HDLBP: variants seen among roughly 807,000 people sequenced by gnomAD.
HDLBP encodes high density lipoprotein binding protein.
A neutral mutation model predicts 137.3 loss-of-function variants in HDLBP; 30 were observed. That is an observed-to-expected ratio of 0.22 (90% CI 0.16 to 0.30). The LOEUF (loss-of-function observed/expected upper bound fraction) is 0.30, where lower values mean the gene tolerates loss of function less well. HDLBP is among the 10% of genes least tolerant of loss of function. HDLBP has a pLI of 1.00. For missense variants in HDLBP, 1,119 were observed against 1,667.3 expected (o/e 0.67, Z 5.73); for synonymous variants, 606 against 596.0 (o/e 1.02, Z -0.24).
chr2:241,271,527 A>G (rs2074036064), intron 1 of HDLBP, among the ~76,000 whole-genome samples: 1 of 152,204 alleles, frequency 6.6e-6, no homozygotes, highest in Admixed American at 6.5e-5. Context: ...AAGGCTTCAC[A>G]TGAGGGGTTC....
In HDLBP at chr2:241,264,579, T is replaced by C. The variant is rs1559521759; in HGVS notation, c.103A>G (p.Ser35Gly). 3 of 1,613,716 alleles carry C rather than the reference T, an allele frequency of 1.9e-6. No individual in the cohort carries two copies. The highest frequency in any genetic ancestry group is 1.7e-4 in the Middle Eastern group (1 of 6,006). ...KVATLNSEEESDPPTYKDAFP... is the reference protein window; with the variant it reads ...KVATLNSEEEGDPPTYKDAFP... ...GCATCCTTGTAGGTTGGAGGGTCGC[T>C]CTCCTCTTCTGAATTTAGAGTGGCA... The change falls in exon 4 of 28, where the codon AGC becomes GGC. Residue 35 changes from serine to glycine, a missense_variant. Around this residue, in one of 4 missense-constraint regions of HDLBP, gnomAD observed 59 missense variants for 92.4 expected, o/e 0.64. Transcript: ENST00000310931.
chr2:241,259,200 A>C (rs897770388), intron 5 of HDLBP, among the ~76,000 whole-genome samples: 1 of 152,248 alleles, frequency 6.6e-6, no homozygotes, highest in Non-Finnish European at 1.5e-5. Flanking sequence ...AAAGAAAAAA[A>C]GCAAGGCATA....
Position 241,228,888 on chromosome 2 carries a change from C to G in HDLBP, c.*713G>C. Reference sequence around the variant, plus strand: ...CGGCCACAGGGGACCCAGATGGTGCCTACCACCTTGCCTCCAGGCTCCACT... The same window carrying G: ...CGGCCACAGGGGACCCAGATGGTGCGTACCACCTTGCCTCCAGGCTCCACT... On this transcript the variant is annotated 3_prime_UTR_variant, in exon 28 of 28. Coordinates refer to ENST00000310931, the MANE Select transcript of HDLBP (RefSeq NM_005336.6). 1 of 152,960 alleles carries G rather than the reference C, an allele frequency of 6.5e-6. No homozygotes were observed. The highest frequency in any genetic ancestry group is 1.5e-5 in the Non-Finnish European group (1 of 68,324). 9.5% of individuals were successfully genotyped at this position (152,960 alleles called of 1,614,324 possible).
Position 241,272,686 on chromosome 2 carries a change from A to AC in HDLBP, c.-102-4146dup, listed in dbSNP as rs1235697569. 153 of 535,404 alleles carry AC rather than the reference A, an allele frequency of 2.9e-4. No individual in the cohort carries two copies. The African/African-American group carries it at 3.1e-3, about 11-fold the overall frequency. 33.2% of individuals were successfully genotyped at this position (535,404 alleles called of 1,614,324 possible). On this transcript the variant is annotated intron_variant, in intron 1 of 27. Coordinates refer to ENST00000310931, the MANE Select transcript of HDLBP (RefSeq NM_005336.6). The surrounding 1 kb of genome is among the most constrained non-coding windows in gnomAD (Gnocchi z 5.6). ...GCCTCCACGTCAGCAGCCACCCCCC[A>AC]CCCCCCCGCCCGGCAGCCCGCCCGC...
rs558300319 is a variant in HDLBP, at chr2:241,240,197, T to C, written c.2170-75A>G. 2.1e-6 allele frequency: 3 copies of C among 1,427,708 alleles called. No homozygotes were observed. The highest frequency in any genetic ancestry group is 2.3e-5 in the South Asian group (2 of 87,192). The allele number at this position is 1,427,708 out of a possible 1,614,324, so 88.4% of individuals were successfully genotyped here. On this transcript the variant is annotated intron_variant, in intron 17 of 27. Transcript: ENST00000310931. The surrounding 1 kb of genome is among the most constrained non-coding windows in gnomAD (Gnocchi z 5.5). ...ACAGTGAGGAAGACAAGAGGGTCTG[T>C]AGGACAGCAAGCTCGGGCTCCCCTT...
At chr2:241,241,264 A>C (rs1445524682) in intron 17 of HDLBP, among the ~76,000 whole-genome samples, 1 of 152,136 alleles carries the variant, frequency 6.6e-6, no homozygotes, top group African/African-American at 2.4e-5. Flanking sequence ...TGACATATAA[A>C]ATAAGGATCC....
Position 241,240,098 on chromosome 2 carries a change from T to C in HDLBP, c.2194A>G (p.Ile732Val). ...EKQTKSFTVD[I>V]RAKPEYHKFL... ...TTGTGGTATTCTGGCTTGGCGCGGA[T>C]GTCAACAGTGAAACTCTTGGTTTGC... is the stretch of plus-strand genomic sequence containing the variant. Residue 732 changes from isoleucine (I) to valine (V), a missense_variant, in exon 18 of 28, where the codon ATC becomes GTC. Physicochemically the swap from Ile to Val is conservative, Grantham distance 29. Transcript: ENST00000310931. This position sits in a 1 kb window ranked among gnomAD's most constrained non-coding sequence, Gnocchi z 5.5. 6.2e-7 allele frequency: 1 copy of C among 1,614,192 alleles called. No individual in the cohort carries two copies. Among genetic ancestry groups the C allele is most frequent in the Non-Finnish European group, 8.5e-7 (1 of 1,180,034 alleles).
Position 241,238,899 on chromosome 2 carries a change from C to T in HDLBP, c.2611-112G>A. 2 of 809,704 alleles carry T rather than the reference C, an allele frequency of 2.5e-6. No homozygotes were observed. Among genetic ancestry groups the T allele is most frequent in the Non-Finnish European group, 3.7e-6 (2 of 547,604 alleles). 50.2% of individuals were successfully genotyped at this position (809,704 alleles called of 1,614,324 possible). ...CTCCCTGTCCTCTACAGCCACTTGG[C>T]ACAGATGCTCCCCTTCTCCCGAGTC... On this transcript the variant is annotated intron_variant, in intron 19 of 27. Coordinates refer to ENST00000310931, the MANE Select transcript of HDLBP (RefSeq NM_005336.6). This position sits in a 1 kb window ranked among gnomAD's most constrained non-coding sequence, Gnocchi z 4.9.
intron 1 of HDLBP, among the ~76,000 whole-genome samples, chr2:241,271,452 T>C (rs1200246087): frequency 6.6e-6 from 1 of 152,192 alleles, no homozygotes; most frequent in Non-Finnish European, 1.5e-5. Context: ...GAGCTGTGTG[T>C]TGCGTGGGAA....
rs1559469401 is a variant in HDLBP at position 241,230,142 on chromosome 2, C to T, written c.3591+11G>A. ...GGGCGCCTCAGGGCTCCAAGGCCCA[C>T]AGAGACTCACGTATTCCTCCTCCAG... On this transcript the variant is annotated intron_variant, in intron 26 of 27. Transcript: ENST00000310931. This position sits in a 1 kb window ranked among gnomAD's most constrained non-coding sequence, Gnocchi z 5.0. The T allele has an allele frequency of 6.2e-7, 1 of 1,607,056 alleles. No homozygotes were observed. The highest frequency in any genetic ancestry group is 1.3e-5 in the African/African-American group (1 of 74,924).
At chr2:241,287,259 C>T (rs1482247904) in intron 1 of HDLBP, among the ~76,000 whole-genome samples, 6 of 151,654 alleles carry the variant, frequency 4.0e-5, no homozygotes, top group South Asian at 2.1e-4. Context: ...TACAGGCGTG[C>T]GCCACCACAC....
At chr2:241,269,172 G>C (rs2073889672) in intron 1 of HDLBP, 1 of 152,228 alleles carries the variant, frequency 6.6e-6, no homozygotes, top group Non-Finnish European at 1.5e-5. Context: ...GGAGGACCAA[G>C]AACTCTGTGA....
At position 241,272,907 on chromosome 2, in the gene HDLBP, G is replaced by A; in HGVS notation, c.-102-4366C>T. ...CGCCTGGACACGTCAGCGCCCGCCC[G>A]CCCCGCCGCTGGGGTCCCCGCCGCC... On this transcript the variant is annotated intron_variant, in intron 1 of 27. Coordinates refer to ENST00000310931, the MANE Select transcript of HDLBP (RefSeq NM_005336.6). This position sits in a 1 kb window ranked among gnomAD's most constrained non-coding sequence, Gnocchi z 5.6. The A allele has an allele frequency of 1.6e-6, 1 of 610,182 alleles. No individual in the cohort carries two copies. Among genetic ancestry groups the A allele is most frequent in the Non-Finnish European group, 2.1e-6 (1 of 487,244 alleles). The allele number at this position is 610,182 out of a possible 1,614,324, so 37.8% of individuals were successfully genotyped here.
chr2:241,314,752 C>T (rs1221947161), intron 1 of HDLBP, among the ~76,000 whole-genome samples: 1 of 152,188 alleles, frequency 6.6e-6, no homozygotes, highest in African/African-American at 2.4e-5. Context: ...TTCAAAGGAG[C>T]TACGCACAAA....
chr2:241,273,448 C>A, intron 1 of HDLBP: 3 of 431,314 alleles, frequency 7.0e-6, no homozygotes, highest in Non-Finnish European at 9.3e-6. Context: ...CGGTGTGTGG[C>A]CTCTGAGCCC....
chr2:241,290,448 T>C (rs2074975714), intron 1 of HDLBP, among the ~76,000 whole-genome samples: 1 of 152,010 alleles, frequency 6.6e-6, no homozygotes, highest in East Asian at 1.9e-4. Context: ...CCGTCTCTAC[T>C]AAAAATACAA....
intron 20 of HDLBP, among the ~76,000 whole-genome samples, chr2:241,236,989 G>A (rs958427301): frequency 3.3e-5 from 5 of 150,352 alleles, no homozygotes; most frequent in African/African-American, 4.9e-5. Flanking sequence ...GGGGGGGGGG[G>A]GGGGGCGGCA....
Position 241,236,884 on chromosome 2 carries a change from GA to G in HDLBP, c.2750-116del, listed in dbSNP as rs1319003965. ...TGGGTGCTGGGTGGTAAAAGGGAGG[GA>G]AAACCACTCCTGTCCTTCAGGAGGT... On this transcript the variant is annotated intron_variant, in intron 20 of 27. Coordinates refer to ENST00000310931, the MANE Select transcript of HDLBP (RefSeq NM_005336.6). 6 of 1,013,746 alleles carry G rather than the reference GA, an allele frequency of 5.9e-6. No individual in the cohort carries two copies. In the African/African-American group the frequency reaches 9.8e-5, roughly 17 times the overall value. The allele number at this position is 1,013,746 out of a possible 1,614,324, so 62.8% of individuals were successfully genotyped here.
chr2:241,229,784 G>GGGCCCCCCCCCCCC, intron 27 of HDLBP, 49 bp downstream of exon 27: 2 of 1,502,544 alleles, frequency 1.3e-6, no homozygotes, highest in Non-Finnish European at 1.8e-6. Flanking sequence ...AAGCCCGCCT[G>GGGCCCCCCCCCCCC]CCCGCCCACC....
Sources: allele counts gnomAD v4.1 joint callset (sites outside exome capture counted in the v4.1 genomes callset), GRCh38; gene constraint gnomAD v4.1.1; regional missense constraint gnomAD v4.1.1; non-coding constraint Gnocchi (gnomAD v3.1); transcripts MANE v1.5; gene names NCBI Gene and HGNC (gene_info 2026-07-23, HGNC 2026-07-21).